Variants in SLC2A3 observed in about 807,000 individuals in gnomAD.
The protein encoded by SLC2A3 is solute carrier family 2, facilitated glucose transporter member 3.
A neutral mutation model predicts 46.4 loss-of-function variants in SLC2A3; 21 were observed. The ratio of observed to expected loss-of-function variants is 0.45; its 90% confidence interval spans 0.32 to 0.65. The LOEUF (loss-of-function observed/expected upper bound fraction) is 0.65. Ranked by LOEUF, SLC2A3 falls within the 30% of genes least tolerant of loss-of-function variation. The probability of loss-of-function intolerance (pLI) is 0.04; values close to 1 mark genes in which losing one functional copy is unlikely to be tolerated. For synonymous variants in SLC2A3, 213 were observed against 239.4 expected (o/e 0.89, Z 1.02); for missense variants, 499 against 623.3 (o/e 0.80, Z 2.12).
Position 7,931,448 on chromosome 12 carries a change from T to C in SLC2A3, c.307A>G (p.Thr103Ala), listed in dbSNP as rs762373357. Residue 103 changes from threonine to alanine, a missense_variant, in exon 4 of 10, where the codon ACT becomes GCT. Coordinates refer to ENST00000075120, the MANE Select transcript of SLC2A3 (RefSeq NM_006931.3). Reference sequence around the variant, plus strand: ...CACAGTCCCATAAAGCAGCCACCAGTGACAGCCAACAGGTTGACAATCAGC... The same window carrying C: ...CACAGTCCCATAAAGCAGCCACCAGCGACAGCCAACAGGTTGACAATCAGC... ...SMLIVNLLAVTGGCFMGLCKV... is the reference protein window; with the variant it reads ...SMLIVNLLAVAGGCFMGLCKV... 6.2e-7 allele frequency: 1 copy of C among 1,614,176 alleles called. No individual in the cohort carries two copies. Among genetic ancestry groups the C allele is most frequent in the South Asian group, 1.1e-5 (1 of 91,082 alleles).
chr12:7,923,065 G>C, intron 8 of SLC2A3, 41 bp from the exon 9 acceptor site: 1 of 1,554,076 alleles, frequency 6.4e-7, no homozygotes, highest in Non-Finnish European at 8.7e-7. Context: ...TTTAAAGACA[G>C]TGTAACCTAG....
Position 7,931,453 on chromosome 12 carries a change from G to C in SLC2A3, c.302C>G (p.Ala101Gly), listed in dbSNP as rs1565604703. 1 of 1,614,150 alleles carries C rather than the reference G, an allele frequency of 6.2e-7. No individual in the cohort carries two copies. The highest frequency in any genetic ancestry group is 1.1e-5 in the South Asian group (1 of 91,082). ...RNSMLIVNLL[A>G]VTGGCFMGLC... Reference sequence around the variant, plus strand: ...TCCCATAAAGCAGCCACCAGTGACAGCCAACAGGTTGACAATCAGCATTGA... The same window carrying C: ...TCCCATAAAGCAGCCACCAGTGACACCCAACAGGTTGACAATCAGCATTGA... Residue 101 changes from alanine to glycine, a missense_variant, in exon 4 of 10, where the codon GCT (alanine) becomes GGT (glycine). This residue lies in a region of SLC2A3 where 248 missense variants were observed against 284.0 expected (regional missense o/e 0.87). Transcript: ENST00000075120.
chr12:7,930,708 C>T (rs1412850488), intron 4 of SLC2A3, 66 bp from the exon 5 acceptor site: 1 of 1,444,376 alleles, frequency 6.9e-7, no homozygotes, highest in East Asian at 2.5e-5. Flanking sequence ...CATTAAAACA[C>T]AAAAAGTTCA....
At chr12:7,931,583 A>T in intron 3 of SLC2A3, 98 bp from the exon 4 acceptor site, 1 of 1,494,500 alleles carries the variant, frequency 6.7e-7, no homozygotes, top group Non-Finnish European at 9.0e-7. Flanking sequence ...GGCTCATATC[A>T]TCCCTTTTTT....
At chr12:7,930,130 C>T in intron 5 of SLC2A3, 3 of 606,250 alleles carry the variant, frequency 4.9e-6, no homozygotes, top group Non-Finnish European at 5.3e-6. Flanking sequence ...GGATTACAGG[C>T]ATGCGCCCCC....
chr12:7,929,296 T>C (rs1003719261), intron 6 of SLC2A3, among the ~76,000 whole-genome samples: 5 of 152,066 alleles, frequency 3.3e-5, no homozygotes, highest in African/African-American at 1.2e-4. Context: ...TTGCATGGAA[T>C]ACAAGGGCTA....
At chr12:7,931,955 C>A (rs1018770509) in intron 3 of SLC2A3, among the ~76,000 whole-genome samples, 1 of 146,832 alleles carries the variant, frequency 6.8e-6, no homozygotes, top group Non-Finnish European at 1.5e-5. Flanking sequence ...GATCTCGGCT[C>A]ACTGCAACCT....
At position 7,935,314 on chromosome 12, in the gene SLC2A3, C is replaced by T. The variant is rs1003930057; in HGVS notation, c.15+706G>A. ...CTAAAAATACAAAATTAGCCGGGCC[C>T]GGTGGTTCATGCCTGTAATCTCAGC... On this transcript the variant is annotated intron_variant, in intron 1 of 9. Transcript: ENST00000075120. Among the ~76,000 whole-genome samples the T allele has an allele frequency of 1.3e-4, 20 of 152,054 alleles. 1 individual carries two copies. Among genetic ancestry groups the T allele is most frequent in the East Asian group, 3.9e-4 (2 of 5,176 alleles).
At chr12:7,927,934 G>A (rs11056518) in intron 6 of SLC2A3, among the ~76,000 whole-genome samples, 36,698 of 151,404 alleles carry the variant, frequency 0.24, 4,773 homozygotes, top group South Asian at 0.33. Context: ...CTAAAAATAC[G>A]AAAAAATAAG....
chr12:7,929,131 T>C lies in SLC2A3; in HGVS notation c.861+553A>G, dbSNP rs1565603919. On this transcript the variant is annotated intron_variant, in intron 6 of 9. Coordinates refer to ENST00000075120, the MANE Select transcript of SLC2A3 (RefSeq NM_006931.3). Reference sequence around the variant, plus strand: ...TGCAAAATGCTTTGTTACAAAATAATTTAATCCCATTGATCAAAGACTATC... The same window carrying C: ...TGCAAAATGCTTTGTTACAAAATAACTTAATCCCATTGATCAAAGACTATC... Among the ~76,000 whole-genome samples, 3 of 152,104 alleles carry C rather than the reference T, an allele frequency of 2.0e-5. No homozygotes were observed. In the South Asian group the frequency reaches 6.2e-4, roughly 31 times the overall value.
At chr12:7,922,376 T>C (rs1389529299) in intron 9 of SLC2A3, among the ~76,000 whole-genome samples, 2 of 151,968 alleles carry the variant, frequency 1.3e-5, no homozygotes, top group Non-Finnish European at 2.9e-5. Context: ...CAAATTAAAC[T>C]TTATGAATTA....
In SLC2A3 at chr12:7,933,205, G is replaced by T. The variant is rs747355807; in HGVS notation, c.109-58C>A. 7 of 1,568,148 alleles carry T rather than the reference G, an allele frequency of 4.5e-6. 1 individual carries two copies. In the East Asian group the frequency reaches 1.3e-4, roughly 30 times the overall value. ...CTGTTACAGTTGGATGAGAACAAAA[G>T]ACAAACATTAGGGATCATTTCCTTC... On this transcript the variant is annotated intron_variant, in intron 2 of 9. Coordinates refer to ENST00000075120, the MANE Select transcript of SLC2A3 (RefSeq NM_006931.3).
At chr12:7,932,301 C>T (rs1031047960) in intron 3 of SLC2A3, among the ~76,000 whole-genome samples, 2 of 151,892 alleles carry the variant, frequency 1.3e-5, no homozygotes, top group Non-Finnish European at 2.9e-5. Flanking sequence ...CCTCAGCCTC[C>T]GGAGTAGCTG....
intron 8 of SLC2A3, 135 bp from the exon 9 acceptor site, chr12:7,923,159 C>T (rs1055940948): frequency 4.1e-5 from 36 of 872,624 alleles, no homozygotes; most frequent in African/African-American, 1.7e-5. Context: ...AGTCAAAAGG[C>T]TTGGATTTAT....
At chr12:7,930,272 C>T (rs938689411) in intron 5 of SLC2A3, 4 of 581,574 alleles carry the variant, frequency 6.9e-6, no homozygotes, top group East Asian at 6.5e-5. Context: ...TGAGCCATCA[C>T]ACCCTGCCTG....
Position 7,934,752 on chromosome 12 carries a change from GGGCAGATTA to G in SLC2A3, c.16-859_16-851del, listed in dbSNP as rs769086611. ...TCTTAAACTCCTTTCCTTTCAGGTC[GGGCAGATTA>G]GGCAGCAGGCTGGGAGCTTCAGCAG... is the stretch of plus-strand genomic sequence containing the variant. On this transcript the variant is annotated intron_variant, in intron 1 of 9. Transcript: ENST00000075120. Among the ~76,000 whole-genome samples the G allele has an allele frequency of 3.0e-4, 46 of 151,668 alleles. 1 individual carries two copies. The South Asian group carries it at 5.0e-3, about 16-fold the overall frequency.
chr12:7,933,160 AG>A lies in SLC2A3; in HGVS notation c.109-14del. ...ATTCCTTTATGATCTGCAAAATAAA[AG>A]GGTTGGTGGAAGAACAGACTGTTAC... On this transcript the variant is annotated splice_polypyrimidine_tract_variant and intron_variant, in intron 2 of 9. Coordinates refer to ENST00000075120, the MANE Select transcript of SLC2A3 (RefSeq NM_006931.3). 1.2e-6 allele frequency: 2 copies of A among 1,613,472 alleles called. No homozygotes were observed. Among genetic ancestry groups the A allele is most frequent in the Non-Finnish European group, 1.7e-6 (2 of 1,179,486 alleles).
chr12:7,929,981 A>G, intron 5 of SLC2A3, 110 bp from the exon 6 acceptor site: 4 of 1,505,150 alleles, frequency 2.7e-6, no homozygotes, highest in Non-Finnish European at 2.7e-6. Flanking sequence ...GATGGGTAGC[A>G]TCCATTCCTT....
At chr12:7,926,061 T>C in intron 6 of SLC2A3, 113 bp from the exon 7 acceptor site, 1 of 829,182 alleles carries the variant, frequency 1.2e-6, no homozygotes, top group Non-Finnish European at 2.0e-6. Context: ...TTCTAGGTTT[T>C]CGTTCAATAC....
Sources: allele counts gnomAD v4.1 joint callset (sites outside exome capture counted in the v4.1 genomes callset), GRCh38; gene constraint gnomAD v4.1.1; regional missense constraint gnomAD v4.1.1; transcripts MANE v1.5; gene names NCBI Gene and HGNC (gene_info 2026-07-23, HGNC 2026-07-21).